Variants in MOV10 observed in about 807,000 individuals in gnomAD.
MOV10 encodes the protein RNA helicase MOV-10.
In MOV10, 39 loss-of-function variants were observed where a neutral mutation model predicts 108.4. The observed-to-expected ratio is 0.36, with a 90% confidence interval of 0.28 to 0.47. The LOEUF (loss-of-function observed/expected upper bound fraction) is 0.47. Among genes scored for constraint, MOV10 ranks in the 20% least tolerant of loss-of-function variants. The pLI is 1.00. For missense variants in MOV10, 952 were observed against 1,297.6 expected (o/e 0.73, Z 4.09); for synonymous variants, 490 against 523.1 (o/e 0.94, Z 0.86).
Position 112,689,635 on chromosome 1 carries a change from T to G in MOV10, c.562T>G (p.Cys188Gly). Residue 188 changes from cysteine to glycine, a missense_variant, in exon 4 of 21, where the codon TGT becomes GGT. Cys to Gly is a radical substitution (Grantham distance 159). This residue lies in a region of MOV10 where 374 missense variants were observed against 468.6 expected (regional missense o/e 0.80). Coordinates refer to ENST00000369645, the MANE Select transcript of MOV10 (RefSeq NM_001321324.2). The part of the protein sequence containing the change: ...AFYNEDQELP[C>G]PLGPGECYEL... The stretch of plus-strand genomic sequence containing the variant: ...CTACAATGAAGACCAGGAGTTGCCC[T>G]GTCCACTGGGCCCCGGTGAGTGAGT... 1 of 1,614,018 alleles carries G rather than the reference T, an allele frequency of 6.2e-7. No individual in the cohort carries two copies. Among genetic ancestry groups the G allele is most frequent in the Non-Finnish European group, 8.5e-7 (1 of 1,179,864 alleles).
chr1:112,687,791 C>A (rs565374078), intron 2 of MOV10, among the ~76,000 whole-genome samples: 1 of 152,240 alleles, frequency 6.6e-6, no homozygotes, highest in African/African-American at 2.4e-5. Flanking sequence ...TCACAGCAAC[C>A]CTACGAGGTA....
chr1:112,699,349 G>A lies in MOV10; in HGVS notation c.2584-336G>A, dbSNP rs867473674. On this transcript the variant is annotated intron_variant, in intron 17 of 20. Coordinates refer to ENST00000369645, the MANE Select transcript of MOV10 (RefSeq NM_001321324.2). ...ATTCTGATCGGGGGTCCGGGTTAGG[G>A]CCCAGGGTTGTATATTCTTAACAGA... 6 of 630,806 alleles carry A rather than the reference G, an allele frequency of 9.5e-6. No homozygotes were observed. In the Middle Eastern group the frequency reaches 1.9e-3, roughly 196 times the overall value. 39.1% of individuals were successfully genotyped at this position (630,806 alleles called of 1,614,324 possible).
intron 2 of MOV10, chr1:112,687,240 A>G: frequency 3.1e-6 from 1 of 326,646 alleles, no homozygotes; most frequent in Middle Eastern, 1.1e-3. Context: ...TACCTTTTTA[A>G]AACAAATCAT....
At position 112,698,377 on chromosome 1, in the gene MOV10, G is replaced by T. The variant is rs1252439557; in HGVS notation, c.2407G>T (p.Val803Leu). ...SFFNPEEAATVTSYLKLLLAP... is the reference protein window; with the variant it reads ...SFFNPEEAATLTSYLKLLLAP... Reference sequence around the variant, plus strand: ...CTTCAACCCTGAAGAGGCTGCCACAGTGACTTCCTACCTGAAGCTGCTCCT... The same window carrying T: ...CTTCAACCCTGAAGAGGCTGCCACATTGACTTCCTACCTGAAGCTGCTCCT... The change falls in exon 16 of 21, where the codon GTG (valine) becomes TTG (leucine). Residue 803 changes from valine to leucine, a missense_variant. This residue lies in a region of MOV10 where 453 missense variants were observed against 611.5 expected (regional missense o/e 0.74). Transcript: ENST00000369645. 2 of 1,614,228 alleles carry T rather than the reference G, an allele frequency of 1.2e-6. No homozygotes were observed. Among genetic ancestry groups the T allele is most frequent in the Non-Finnish European group, 1.7e-6 (2 of 1,180,038 alleles).
chr1:112,695,738 G>A (rs1267680054), intron 11 of MOV10, among the ~76,000 whole-genome samples, 164 bp downstream of exon 11: 2 of 151,276 alleles, frequency 1.3e-5, no homozygotes, highest in Non-Finnish European at 2.9e-5. Flanking sequence ...TAAGTGAGGG[G>A]GGTGGATAAA....
At chr1:112,691,350 T>C (rs1235987290) in intron 5 of MOV10, among the ~76,000 whole-genome samples, 3 of 152,308 alleles carry the variant, frequency 2.0e-5, no homozygotes, top group South Asian at 2.1e-4. Flanking sequence ...TGACTATATA[T>C]GTATAACAGA....
At chr1:112,688,705 G>A (rs1570776609) in intron 2 of MOV10, 2 of 1,424,578 alleles carry the variant, frequency 1.4e-6, no homozygotes, top group East Asian at 5.1e-5. Flanking sequence ...AGAACCCACT[G>A]TTTAAAACAA....
rs534613828 is a variant in MOV10, at chr1:112,675,147, A to T, written c.137+98A>T. ...CTTTCCCGCCCCGGGGCGCAGAGGG[A>T]CGCAGCTCCCCCAGCGGCTCAGGCC... On this transcript the variant is annotated intron_variant, in intron 2 of 20. Coordinates refer to ENST00000369645, the MANE Select transcript of MOV10 (RefSeq NM_001321324.2). The surrounding 1 kb of genome is among the most constrained non-coding windows in gnomAD (Gnocchi z 4.7). 2.8e-6 allele frequency: 4 copies of T among 1,422,208 alleles called. No homozygotes were observed. The highest frequency in any genetic ancestry group is 1.9e-4 in the Middle Eastern group (1 of 5,386). 88.1% of individuals were successfully genotyped at this position (1,422,208 alleles called of 1,614,324 possible). A position where few individuals can be genotyped will look rare whatever the true frequency, so the allele number is the denominator to read the frequency against.
rs771059528 is a variant in MOV10 at position 112,696,643 on chromosome 1, A to G, written c.1995A>G (p.Val665=). ...SLVAIAGLME[V]KETGDPGGQL... ...TCTGCTTCCCAGGGCTGATGGAAGTAAAGGAAACAGGTGATCCAGGAGGGC... is the reference window on the plus strand; with the variant it reads ...TCTGCTTCCCAGGGCTGATGGAAGTGAAGGAAACAGGTGATCCAGGAGGGC... Residue 665 remains valine (V), a synonymous_variant, in exon 14 of 21, where the codon GTA becomes GTG. Coordinates refer to ENST00000369645, the MANE Select transcript of MOV10 (RefSeq NM_001321324.2). The G allele has an allele frequency of 1.2e-6, 2 of 1,612,550 alleles. No individual in the cohort carries two copies. The highest frequency in any genetic ancestry group is 8.5e-7 in the Non-Finnish European group (1 of 1,179,278).
intron 2 of MOV10, among the ~76,000 whole-genome samples, chr1:112,686,512 C>T (rs1398675731): frequency 1.2e-4 from 18 of 152,186 alleles, no homozygotes; most frequent in Admixed American, 1.2e-3. Flanking sequence ...CTCAACTACT[C>T]ACACTCCCTG....
At chr1:112,677,681 A>G (rs542893964) in intron 2 of MOV10, among the ~76,000 whole-genome samples, 1 of 152,228 alleles carries the variant, frequency 6.6e-6, no homozygotes, top group African/African-American at 2.4e-5. Context: ...CCCAGCATAG[A>G]GCTTTGTATG....
rs996394050 is a variant in MOV10, at chr1:112,699,018, A to G, written c.2583+229A>G. 1.8e-5 allele frequency: 10 copies of G among 551,358 alleles called. No individual in the cohort carries two copies. In the African/African-American group the frequency reaches 1.9e-4, roughly 11 times the overall value. The allele number at this position is 551,358 out of a possible 1,614,324, so 34.2% of individuals were successfully genotyped here. A position where few individuals can be genotyped will look rare whatever the true frequency, so the allele number is the denominator to read the frequency against. ...AACAAACACCTCCTGTCATTCTTAG[A>G]CTGAGGCAGGTTTGAGGCCTCTGCC... On this transcript the variant is annotated intron_variant, in intron 17 of 20. Transcript: ENST00000369645.
At chr1:112,691,174 T>C (rs1673551260) in intron 5 of MOV10, among the ~76,000 whole-genome samples, 1 of 152,148 alleles carries the variant, frequency 6.6e-6, no homozygotes, top group Admixed American at 6.5e-5. Context: ...CCAGCTACTC[T>C]ACTCAGGAGC....
intron 6 of MOV10, among the ~76,000 whole-genome samples, chr1:112,692,048 G>C (rs1482414139): frequency 6.6e-6 from 1 of 152,198 alleles, no homozygotes; most frequent in Non-Finnish European, 1.5e-5. Flanking sequence ...AACTAAACAG[G>C]TCAGGTGTAA....
intron 16 of MOV10, 75 bp downstream of exon 16, chr1:112,698,553 C>T (rs1674329790): frequency 2.6e-6 from 4 of 1,518,510 alleles, no homozygotes. Flanking sequence ...GACCACTAGG[C>T]AGAGGCTCCA....
In MOV10 at chr1:112,686,159, C is replaced by T. The variant is rs1226054465; in HGVS notation, c.138-2776C>T. Among the ~76,000 whole-genome samples the T allele has an allele frequency of 2.0e-5, 3 of 152,246 alleles. No homozygotes were observed. The South Asian group carries it at 6.2e-4, about 32-fold the overall frequency. On this transcript the variant is annotated intron_variant, in intron 2 of 20. Transcript: ENST00000369645. ...CTGGAGCCACTTTTCTTGGAGGTTGCACTTTGTTTTCTTAGCGTTGTGAGG... is the reference window on the plus strand; with the variant it reads ...CTGGAGCCACTTTTCTTGGAGGTTGTACTTTGTTTTCTTAGCGTTGTGAGG...
rs1236911717 is a variant in MOV10 at position 112,689,640 on chromosome 1, A to C, written c.567A>C (p.Pro189=). The change falls in exon 4 of 21, where the codon CCA becomes CCC. Residue 189 remains proline, a synonymous_variant. Transcript: ENST00000369645. ...FYNEDQELPC[P]LGPGECYELH... is the part of the protein sequence containing the mutation. ...ATGAAGACCAGGAGTTGCCCTGTCC[A>C]CTGGGCCCCGGTGAGTGAGTTTCCA... 6.2e-7 allele frequency: 1 copy of C among 1,614,074 alleles called. No homozygotes were observed. Among genetic ancestry groups the C allele is most frequent in the Admixed American group, 1.7e-5 (1 of 60,018 alleles).
rs1362013851 is a variant in MOV10 at position 112,674,951 on chromosome 1, G to C, written c.39G>C (p.Ala13=). ...TCAGCTGCCGGCAGCTCCGGGAGGC[G>C]GGCCAGTGTTTCGAGAGTTTCCTGG... The part of the protein sequence containing the change: ...SKFSCRQLRE[A]GQCFESFLVV... The change falls in exon 2 of 21, where the codon GCG becomes GCC. Residue 13 remains alanine, a synonymous_variant. Transcript: ENST00000369645. 45 of 1,583,264 alleles carry C rather than the reference G, an allele frequency of 2.8e-5. No individual in the cohort carries two copies. The highest frequency in any genetic ancestry group is 3.9e-5 in the Non-Finnish European group (45 of 1,165,870).
chr1:112,690,328 G>A (rs910248750), intron 5 of MOV10, among the ~76,000 whole-genome samples: 1 of 152,160 alleles, frequency 6.6e-6, no homozygotes, highest in Non-Finnish European at 1.5e-5. Flanking sequence ...GCATTATCAG[G>A]CAGATCATTG....
Sources: allele counts gnomAD v4.1 joint callset (sites outside exome capture counted in the v4.1 genomes callset), GRCh38; gene constraint gnomAD v4.1.1; regional missense constraint gnomAD v4.1.1; non-coding constraint Gnocchi (gnomAD v3.1); transcripts MANE v1.5; gene names NCBI Gene and HGNC (gene_info 2026-07-23, HGNC 2026-07-21).